ANK2: variants seen among roughly 807,000 people sequenced by gnomAD.
ANK2 encodes the protein ankyrin 2.
Under a neutral mutation model 360.5 loss-of-function variants are expected in ANK2, and 83 were observed. That is an observed-to-expected ratio of 0.23 (90% CI 0.19 to 0.28). The LOEUF (loss-of-function observed/expected upper bound fraction) is 0.28, where lower values mean the gene tolerates loss of function less well. ANK2 is among the 10% of genes least tolerant of loss of function. The pLI is 1.00. For missense variants in ANK2, 4,201 were observed against 4,795.7 expected, an observed-to-expected ratio of 0.88 and a Z score of 3.66; for synonymous variants, 1,740 against 1,759.5, an observed-to-expected ratio of 0.99 and a Z score of 0.28.
At chr4:113,237,525 G>A (rs1022008680) in intron 6 of ANK2, 74 bp from the exon 7 acceptor site, 21 of 1,432,736 alleles carry the variant, frequency 1.5e-5, no homozygotes, top group Non-Finnish European at 1.5e-5. Flanking sequence ...CAATTGCAGC[G>A]AGCAGATTGA....
Position 113,303,986 on chromosome 4 carries a change from A to G in ANK2, c.2548+1147A>G, listed in dbSNP as rs529376310. Among the ~76,000 whole-genome samples the G allele has an allele frequency of 3.3e-5, 5 of 152,368 alleles. No individual in the cohort carries two copies. The South Asian group carries it at 1.0e-3, about 32-fold the overall frequency. ...CCAACTTGTTGAATCACCTATTGGTAGTATGTATTGAGTTTTCTCAGCTTT... is the reference window on the plus strand; with the variant it reads ...CCAACTTGTTGAATCACCTATTGGTGGTATGTATTGAGTTTTCTCAGCTTT... On this transcript the variant is annotated intron_variant, in intron 23 of 45. Transcript: ENST00000357077.
chr4:112,956,810 C>A (rs1026162805), intron 2 of ANK2, among the ~76,000 whole-genome samples: 1 of 151,924 alleles, frequency 6.6e-6, no homozygotes, highest in African/African-American at 2.4e-5. Flanking sequence ...GTCACTAGTC[C>A]CTGGGGTCCT....
chr4:113,008,530 A>G (rs1041472644), intron 2 of ANK2, among the ~76,000 whole-genome samples: 3 of 152,222 alleles, frequency 2.0e-5, no homozygotes, highest in African/African-American at 7.2e-5. Flanking sequence ...TAAATGATAT[A>G]AGAATTTCAG....
At chr4:113,265,099 T>C in intron 14 of ANK2, 104 bp downstream of exon 14, 2 of 1,092,488 alleles carry the variant, frequency 1.8e-6, no homozygotes, top group South Asian at 2.7e-5. Context: ...TACCAGGGAC[T>C]GTAAGTGAAA....
chr4:113,014,514 C>G (rs925617528), intron 2 of ANK2, among the ~76,000 whole-genome samples: 4 of 152,192 alleles, frequency 2.6e-5, no homozygotes, highest in Non-Finnish European at 4.4e-5. Flanking sequence ...AAACCCGGAT[C>G]TACCTACAGA....
rs2272236 is a variant in ANK2 at position 113,363,173 on chromosome 4, T to C, written c.10757-165T>C. ...AGGGGAAAAAATCCATAATTAGTAC[T>C]AGAAGAACAAAGGCATATAAGAGTC... On this transcript the variant is annotated intron_variant, in intron 39 of 45. Coordinates refer to ENST00000357077, the MANE Select transcript of ANK2 (RefSeq NM_001148.6). 5.9e-5 allele frequency among the ~76,000 whole-genome samples: 9 copies of C among 152,240 alleles called. No individual in the cohort carries two copies. The East Asian group carries it at 1.7e-3, about 29-fold the overall frequency.
upstream of ANK2, among the ~76,000 whole-genome samples, chr4:113,047,153 G>A (rs1342789318): frequency 6.6e-6 from 1 of 152,130 alleles, no homozygotes; most frequent in Non-Finnish European, 1.5e-5. Context: ...CGGGACCTTT[G>A]AACTGCTATT....
chr4:112,778,801 C>T, the ANK2 span, among the ~76,000 whole-genome samples: 1 of 152,196 alleles, frequency 6.6e-6, no homozygotes, highest in Non-Finnish European at 1.5e-5. Context: ...ACACCATTGG[C>T]TGCAACTACT....
the ANK2 span, among the ~76,000 whole-genome samples, chr4:112,810,116 A>ATT: frequency 0.017 from 1,922 of 110,594 alleles, 60 homozygotes; most frequent in African/African-American, 0.049. Context: ...AGATATTTTA[A>ATT]TTTTTTGTGT....
chr4:112,834,387 A>G (rs2060545622), intron 1 of ANK2, among the ~76,000 whole-genome samples: 1 of 152,220 alleles, frequency 6.6e-6, no homozygotes. Flanking sequence ...CGTGGAAGGA[A>G]TAGCTTGAAC....
the ANK2 span, among the ~76,000 whole-genome samples, chr4:112,757,284 C>CT: frequency 6.6e-6 from 1 of 151,522 alleles, no homozygotes. Context: ...GGCTAATTTT[C>CT]TTTTTTTGTA....
chr4:113,160,930 T>C (rs2097512987), intron 1 of ANK2, among the ~76,000 whole-genome samples: 1 of 152,184 alleles, frequency 6.6e-6, no homozygotes, highest in South Asian at 2.1e-4. Flanking sequence ...TATCCTTGCC[T>C]CTGGGAAATA....
chr4:112,925,782 G>GT (rs34673979), intron 2 of ANK2, among the ~76,000 whole-genome samples: 2 of 152,174 alleles, frequency 1.3e-5, no homozygotes, highest in Admixed American at 6.5e-5. Flanking sequence ...CATGAAATGA[G>GT]TTTTTTTCCT....
At chr4:113,131,062 C>G (rs2095996230) in intron 1 of ANK2, among the ~76,000 whole-genome samples, 1 of 152,152 alleles carries the variant, frequency 6.6e-6, no homozygotes. Flanking sequence ...GTGTTTCCAT[C>G]TTAAAGTCAA....
At chr4:113,127,727 C>T (rs2095753140) in intron 1 of ANK2, among the ~76,000 whole-genome samples, 1 of 151,922 alleles carries the variant, frequency 6.6e-6, no homozygotes, top group Non-Finnish European at 1.5e-5. Flanking sequence ...AGTAGCTGAA[C>T]TCAGTGAAGC....
rs199473643 is a variant in ANK2 at position 113,369,726 on chromosome 4, C to A, written c.11531C>A (p.Thr3844Asn). 6.2e-7 allele frequency: 1 copy of A among 1,614,136 alleles called. No individual in the cohort carries two copies. Reference sequence around the variant, plus strand: ...AGAGAGGAGAGCTCTCCGCGGAAAACCAGCCTCGTAATAGTGGAGTCTGCC... The same window carrying A: ...AGAGAGGAGAGCTCTCCGCGGAAAAACAGCCTCGTAATAGTGGAGTCTGCC... ...EHREESSPRK[T>N]SLVIVESADN... Residue 3844 changes from threonine to asparagine, a missense_variant, in exon 43 of 46, where the codon ACC becomes AAC. By Grantham distance (65) the Thr-to-Asn change is moderately conservative. Coordinates refer to ENST00000357077, the MANE Select transcript of ANK2 (RefSeq NM_001148.6).
intron 1 of ANK2, among the ~76,000 whole-genome samples, chr4:112,820,464 T>G (rs2056684470): frequency 6.6e-6 from 1 of 152,206 alleles, no homozygotes; most frequent in South Asian, 2.1e-4. Flanking sequence ...GGAGAGAACA[T>G]TTTCTTTAAA....
chr4:112,973,850 C>A (rs750269436), intron 2 of ANK2, among the ~76,000 whole-genome samples: 6 of 152,180 alleles, frequency 3.9e-5, no homozygotes, highest in African/African-American at 1.4e-4. Flanking sequence ...TAGCCACAGT[C>A]CATCTGACTG....
intron 2 of ANK2, among the ~76,000 whole-genome samples, chr4:113,026,832 G>A (rs990514689): frequency 3.3e-5 from 5 of 152,084 alleles, no homozygotes; most frequent in African/African-American, 1.2e-4. Flanking sequence ...GATTAGTATA[G>A]GGAAGAAGCA....
Sources: allele counts gnomAD v4.1 joint callset (sites outside exome capture counted in the v4.1 genomes callset), GRCh38; gene constraint gnomAD v4.1.1; transcripts MANE v1.5; gene names NCBI Gene and HGNC (gene_info 2026-07-23, HGNC 2026-07-21).